NBEA: variants seen among roughly 807,000 people sequenced by gnomAD.
NBEA encodes neurobeachin, also known as lysosomal-trafficking regulator 2.
NBEA carries 44 observed loss-of-function variants against 343.4 expected under a neutral mutation model. The ratio of observed to expected loss-of-function variants is 0.13; its 90% CI spans 0.10 to 0.16. NBEA has a LOEUF of 0.16. Among genes scored for constraint, NBEA ranks in the 10% least tolerant of loss-of-function variants. NBEA has a pLI of 1.00. For missense variants in NBEA, 2,555 were observed against 3,631.3 expected, an observed-to-expected ratio of 0.70 and a Z score of 7.62; for synonymous variants, 1,175 against 1,238.7, an observed-to-expected ratio of 0.95 and a Z score of 1.08.
chr13:35,048,335 C>A (rs2062938457), intron 4 of NBEA, among the ~76,000 whole-genome samples: 1 of 151,922 alleles, frequency 6.6e-6, no homozygotes. Context: ...GAGATAAAAT[C>A]TAATTCACTG....
chr13:35,409,353 T>G (rs1594524115), intron 38 of NBEA, among the ~76,000 whole-genome samples: 1 of 151,466 alleles, frequency 6.6e-6, no homozygotes, highest in South Asian at 2.1e-4. Flanking sequence ...GAGTGGAGGG[T>G]GGGAGAACAG....
chr13:35,611,516 C>T (rs1039633001), intron 48 of NBEA, among the ~76,000 whole-genome samples: 1 of 152,120 alleles, frequency 6.6e-6, no homozygotes, highest in African/African-American at 2.4e-5. Flanking sequence ...TAAATTTTAA[C>T]AGTTATATGA....
chr13:34,966,743 G>A (rs1458197746), intron 1 of NBEA, among the ~76,000 whole-genome samples: 3 of 150,846 alleles, frequency 2.0e-5, no homozygotes, highest in African/African-American at 7.3e-5. Context: ...AGTGGAAACT[G>A]TATATATGAG....
intron 11 of NBEA, 71 bp downstream of exon 11, chr13:35,098,476 T>C: frequency 9.2e-7 from 1 of 1,092,598 alleles, no homozygotes; most frequent in Non-Finnish European, 1.4e-6. Flanking sequence ...CTAATTTTTT[T>C]TTCTGTAATT....
chr13:35,574,421 A>G lies in NBEA; in HGVS notation c.7035+7404A>G, dbSNP rs997755390. On this transcript the variant is annotated intron_variant, in intron 45 of 58. Transcript: ENST00000379939. ...CAAAAGAAAAAAAACAAGGAAAGAA[A>G]AAGAAAAAAGAAAAACTCTCCCTAT... Among the ~76,000 whole-genome samples the G allele has an allele frequency of 4.1e-4, 62 of 151,726 alleles. 1 individual carries two copies. The highest frequency in any genetic ancestry group is 1.5e-3 in the African/African-American group (60 of 41,332).
At chr13:35,518,713 G>A (rs2077579101) in intron 41 of NBEA, among the ~76,000 whole-genome samples, 1 of 152,164 alleles carries the variant, frequency 6.6e-6, no homozygotes, top group Non-Finnish European at 1.5e-5. Context: ...GCCCAATCAG[G>A]TTGAGCACAC....
At chr13:35,240,014 T>C (rs117066953) in intron 34 of NBEA, among the ~76,000 whole-genome samples, 4,487 of 151,120 alleles carry the variant, frequency 0.03, 99 homozygotes, top group Non-Finnish European at 0.045. Context: ...ATCTATTAGG[T>C]TGGTGCAAAA....
chr13:35,248,562 G>A (rs1423329372), intron 34 of NBEA, among the ~76,000 whole-genome samples: 6 of 151,930 alleles, frequency 3.9e-5, no homozygotes, highest in Non-Finnish European at 5.9e-5. Context: ...GTAGACCAAC[G>A]GAATAGAATC....
intron 40 of NBEA, among the ~76,000 whole-genome samples, chr13:35,461,521 G>A (rs182962576): frequency 1.6e-3 from 237 of 152,306 alleles, no homozygotes; most frequent in African/African-American, 5.6e-3. Context: ...GCATGTGAAT[G>A]AGGATATTGA....
At chr13:35,361,776 T>C (rs1228893428) in intron 38 of NBEA, among the ~76,000 whole-genome samples, 5 of 152,004 alleles carry the variant, frequency 3.3e-5, no homozygotes, top group Admixed American at 1.3e-4. Flanking sequence ...AAAATACTTT[T>C]AAAACTTAAC....
intron 33 of NBEA, among the ~76,000 whole-genome samples, chr13:35,212,851 A>G (rs1286597789): frequency 6.6e-6 from 1 of 151,974 alleles, no homozygotes; most frequent in Admixed American, 6.6e-5. Context: ...TGAAGTCTCT[A>G]GTCCATTTTT....
chr13:35,624,459 C>T (rs2083134173), intron 48 of NBEA, among the ~76,000 whole-genome samples: 1 of 151,766 alleles, frequency 6.6e-6, no homozygotes, highest in South Asian at 2.1e-4. Flanking sequence ...TATTTGGGGA[C>T]CTTGGATAGT....
At chr13:35,486,718 C>T (rs2076315775) in intron 41 of NBEA, among the ~76,000 whole-genome samples, 1 of 151,936 alleles carries the variant, frequency 6.6e-6, no homozygotes, top group African/African-American at 2.4e-5. Flanking sequence ...ACATAAACAA[C>T]ATAATTGATG....
rs1047732764 is a variant in NBEA, at chr13:35,161,626, A to G, written c.3862-124A>G. ...CAGGTGAATAATATATGTGAAATAT[A>G]TTAAACTGCTAAAGTCATATGCTAA... is the stretch of plus-strand genomic sequence containing the variant. On this transcript the variant is annotated intron_variant, in intron 22 of 58. Transcript: ENST00000379939. 11 of 880,168 alleles carry G rather than the reference A, an allele frequency of 1.2e-5. No individual in the cohort carries two copies. In the East Asian group the frequency reaches 1.3e-4, roughly 11 times the overall value. The allele number at this position is 880,168 out of a possible 1,614,324, so 54.5% of individuals were successfully genotyped here.
At chr13:34,976,581 T>G (rs182581601) in intron 1 of NBEA, among the ~76,000 whole-genome samples, 1 of 152,182 alleles carries the variant, frequency 6.6e-6, no homozygotes, top group East Asian at 1.9e-4. Flanking sequence ...AATAAAAAAT[T>G]TAAAATAAAT....
chr13:35,298,589 T>G (rs886594498), intron 35 of NBEA, among the ~76,000 whole-genome samples: 2 of 151,914 alleles, frequency 1.3e-5, no homozygotes, highest in African/African-American at 4.8e-5. Context: ...TAGAATATGC[T>G]CTCTTTAAAA....
At chr13:35,666,892 C>G (rs946268020) in intron 56 of NBEA, among the ~76,000 whole-genome samples, 4 of 152,154 alleles carry the variant, frequency 2.6e-5, no homozygotes, top group Admixed American at 2.6e-4. Flanking sequence ...TTTGCTTTTA[C>G]ATTTTATGCG....
chr13:35,649,627 T>C lies in NBEA; in HGVS notation c.7771-28T>C, dbSNP rs781353785. On this transcript the variant is annotated intron_variant, in intron 51 of 58. Coordinates refer to ENST00000379939, the MANE Select transcript of NBEA (RefSeq NM_001385012.1). ...AACTATGTTATTCCTTTTGTCTTCC[T>C]CTGTTCTCTTCCCTTTCTATTCAAC... 8 of 1,575,002 alleles carry C rather than the reference T, an allele frequency of 5.1e-6. No individual in the cohort carries two copies. In the East Asian group the frequency reaches 1.8e-4, roughly 35 times the overall value.
intron 1 of NBEA, among the ~76,000 whole-genome samples, chr13:35,028,054 G>GT (rs1299103082): frequency 6.6e-6 from 1 of 151,870 alleles, no homozygotes; most frequent in Non-Finnish European, 1.5e-5. Context: ...CAACTCACCA[G>GT]TGCTACAGGG....
Sources: allele counts gnomAD v4.1 joint callset (sites outside exome capture counted in the v4.1 genomes callset), GRCh38; gene constraint gnomAD v4.1.1; transcripts MANE v1.5; gene names NCBI Gene and HGNC (gene_info 2026-07-23, HGNC 2026-07-21).